Variants in NOS1 observed in about 807,000 individuals in gnomAD.
The protein encoded by NOS1 is nitric oxide synthase 1.
NOS1 carries 51 observed loss-of-function variants against 164.5 expected under a neutral mutation model. The observed-to-expected ratio is 0.31, with a 90% CI of 0.25 to 0.39. The LOEUF (loss-of-function observed/expected upper bound fraction) is 0.39. Among genes scored for constraint, NOS1 ranks in the 10% least tolerant of loss-of-function variants. The pLI, the probability that NOS1 is intolerant of heterozygous loss-of-function variation, is 1.00. For synonymous variants in NOS1, 719 were observed against 745.8 expected, an observed-to-expected ratio of 0.96 and a Z score of 0.59; for missense variants, 1,362 against 1,885.6, an observed-to-expected ratio of 0.72 and a Z score of 5.14.
intron 2 of NOS1, among the ~76,000 whole-genome samples, chr12:117,319,267 G>T (rs191873913): frequency 5.9e-5 from 9 of 152,232 alleles, no homozygotes; most frequent in Non-Finnish European, 1.3e-4. Context: ...TGCCCAGGCT[G>T]GTTTTAAACT....
intron 10 of NOS1, among the ~76,000 whole-genome samples, chr12:117,268,509 G>A (rs548438247): frequency 1.3e-5 from 2 of 152,136 alleles, no homozygotes; most frequent in African/African-American, 2.4e-5. Flanking sequence ...TGGGATTACA[G>A]GCGTGAGGCA....
At chr12:117,321,196 G>A (rs930450398) in intron 2 of NOS1, among the ~76,000 whole-genome samples, 1 of 152,136 alleles carries the variant, frequency 6.6e-6, no homozygotes, top group Non-Finnish European at 1.5e-5. Context: ...TTTTAGTAGA[G>A]ACGGGGTTTC....
intron 6 of NOS1, among the ~76,000 whole-genome samples, 199 bp from the exon 7 acceptor site, chr12:117,285,531 GA>G (rs57100884): frequency 0.037 from 5,265 of 142,128 alleles, 258 homozygotes; most frequent in African/African-American, 0.12. Flanking sequence ...AATTTGACCA[GA>G]AAAAAAAAAA....
intron 16 of NOS1, among the ~76,000 whole-genome samples, chr12:117,257,229 G>T (rs1311863607): frequency 6.6e-6 from 1 of 151,712 alleles, no homozygotes; most frequent in Admixed American, 6.6e-5. Flanking sequence ...GACTTCAGGT[G>T]CACACTACCA....
chr12:117,302,594 CAAAAAAAAAAAA>C (rs144113071), intron 3 of NOS1, among the ~76,000 whole-genome samples: 1 of 72,966 alleles, frequency 1.4e-5, no homozygotes. Flanking sequence ...GACTCCGTCT[CAAAAAAAAAAAA>C]AAAAAAAAAA....
chr12:117,256,284 G>GTT (rs57047376), intron 16 of NOS1, among the ~76,000 whole-genome samples: 2 of 118,482 alleles, frequency 1.7e-5, no homozygotes, highest in Non-Finnish European at 3.2e-5. Context: ...GGGATTTTCT[G>GTT]TTTTTTTTTT....
intron 10 of NOS1, among the ~76,000 whole-genome samples, chr12:117,269,457 G>A (rs868789422): frequency 7.4e-5 from 10 of 135,636 alleles, no homozygotes; most frequent in Middle Eastern, 3.8e-3. Context: ...AGGATCTCTG[G>A]AGATTTGTTT....
chr12:117,224,154 C>T (rs537950734), intron 25 of NOS1, among the ~76,000 whole-genome samples: 1 of 152,258 alleles, frequency 6.6e-6, no homozygotes, highest in South Asian at 2.1e-4. Flanking sequence ...TATAATCATC[C>T]CTCAAATCAA....
intron 1 of NOS1, among the ~76,000 whole-genome samples, chr12:117,344,356 C>G (rs1272959532): frequency 6.6e-6 from 1 of 152,220 alleles, no homozygotes; most frequent in African/African-American, 2.4e-5. Flanking sequence ...ATGAAATTAA[C>G]AGTTTTGCAA....
chr12:117,233,034 CTTTTTTT>C (rs34474757), intron 21 of NOS1, among the ~76,000 whole-genome samples: 1 of 88,370 alleles, frequency 1.1e-5, no homozygotes, highest in Non-Finnish European at 2.0e-5. Context: ...TGCCTCACTA[CTTTTTTT>C]TTTTTTTTTT....
intron 1 of NOS1, among the ~76,000 whole-genome samples, chr12:117,351,038 C>T (rs1172941547): frequency 3.3e-5 from 5 of 152,070 alleles, no homozygotes; most frequent in South Asian, 2.1e-4. Flanking sequence ...GGCGTGAACC[C>T]GGGAGGCGGA....
rs758348547 is a variant in NOS1, at chr12:117,231,938, G to A, written c.3405+24C>T. The A allele has an allele frequency of 7.5e-6, 12 of 1,603,036 alleles. No homozygotes were observed. The East Asian group carries it at 2.7e-4, about 36-fold the overall frequency. On this transcript the variant is annotated intron_variant, in intron 22 of 28. Coordinates refer to ENST00000317775, the MANE Select transcript of NOS1 (RefSeq NM_000620.5). The stretch of plus-strand genomic sequence containing the variant: ...GAGGAGGTGAAATGCGCCCCCTAGG[G>A]TTGTGCGAAGCCTGGGGACCCACCT...
intron 1 of NOS1, among the ~76,000 whole-genome samples, chr12:117,359,650 G>A (rs932464005): frequency 6.6e-6 from 1 of 151,930 alleles, no homozygotes; most frequent in African/African-American, 2.4e-5. Context: ...GGCTGCGTGC[G>A]CGCTTTTCTT....
chr12:117,233,011 A>G (rs1002558473), intron 21 of NOS1, among the ~76,000 whole-genome samples: 2 of 144,000 alleles, frequency 1.4e-5, no homozygotes, highest in Admixed American at 7.1e-5. Context: ...GGGACTACAG[A>G]CGTGTGCCAT....
chr12:117,317,698 A>G (rs1388527601), intron 2 of NOS1, among the ~76,000 whole-genome samples: 1 of 151,862 alleles, frequency 6.6e-6, no homozygotes, highest in South Asian at 2.1e-4. Flanking sequence ...GTAATTGAGG[A>G]GCTCGCCTTC....
intron 2 of NOS1, among the ~76,000 whole-genome samples, chr12:117,324,436 A>G (rs1875139597): frequency 6.6e-6 from 1 of 152,176 alleles, no homozygotes. Flanking sequence ...AGCATTTTAA[A>G]GTGACCGCTC....
intron 20 of NOS1, among the ~76,000 whole-genome samples, chr12:117,240,969 TCA>T: frequency 6.7e-6 from 1 of 149,876 alleles, no homozygotes; most frequent in African/African-American, 2.5e-5. Flanking sequence ...AGACAGAGTC[TCA>T]TTCCGTCGCC....
At chr12:117,231,898 C>A (rs1869263691) in intron 22 of NOS1, 64 bp downstream of exon 22, 5 of 1,507,252 alleles carry the variant, frequency 3.3e-6, no homozygotes, top group Non-Finnish European at 3.6e-6. Flanking sequence ...TAACAGTTTT[C>A]AACTCTTTAA....
At position 117,289,471 on chromosome 12, in the gene NOS1, A is replaced by T. The variant is rs962632316; in HGVS notation, c.981+827T>A. ...TAACAGTCAGAGACAGGTTTATTTT[A>T]AAGAATAAACCTGAGAGGGGCTTCT... On this transcript the variant is annotated intron_variant, in intron 4 of 28. Coordinates refer to ENST00000317775, the MANE Select transcript of NOS1 (RefSeq NM_000620.5). Among the ~76,000 whole-genome samples the T allele has an allele frequency of 1.7e-4, 26 of 152,366 alleles. 1 individual carries two copies. The highest frequency in any genetic ancestry group is 4.1e-4 in the South Asian group (2 of 4,830).
Sources: allele counts gnomAD v4.1 joint callset (sites outside exome capture counted in the v4.1 genomes callset), GRCh38; gene constraint gnomAD v4.1.1; transcripts MANE v1.5; gene names NCBI Gene and HGNC (gene_info 2026-07-23, HGNC 2026-07-21).